The following ANO3 variants were observed in gnomAD, a reference collection of about 807,000 sequenced individuals.
The protein encoded by ANO3 is anoctamin 3.
Under a neutral mutation model 144.8 loss-of-function variants are expected in ANO3, and 99 were observed. The ratio of observed to expected loss-of-function variants is 0.68; its 90% CI spans 0.58 to 0.81. The LOEUF (loss-of-function observed/expected upper bound fraction) is 0.81. Among genes scored for constraint, ANO3 ranks in the 30% least tolerant of loss-of-function variants. The pLI, the probability that ANO3 is intolerant of heterozygous loss-of-function variation, is 0.00. For missense variants in ANO3, 905 were observed against 1,202.2 expected, an observed-to-expected ratio of 0.75 and a Z score of 3.66; for synonymous variants, 414 against 392.6, an observed-to-expected ratio of 1.05 and a Z score of -0.64.
intron 17 of ANO3, among the ~76,000 whole-genome samples, chr11:26,620,004 A>G (rs1360912106): frequency 6.6e-6 from 1 of 152,192 alleles, no homozygotes; most frequent in Non-Finnish European, 1.5e-5. Context: ...TAAAACATCA[A>G]TGTATTATTT....
intron 17 of ANO3, among the ~76,000 whole-genome samples, chr11:26,603,105 G>A (rs1488177459): frequency 6.6e-6 from 1 of 152,034 alleles, no homozygotes; most frequent in Non-Finnish European, 1.5e-5. Context: ...AATTAATCCA[G>A]CATTTAGATA....
At chr11:26,600,937 G>A (rs1355117225) in intron 17 of ANO3, among the ~76,000 whole-genome samples, 1 of 152,032 alleles carries the variant, frequency 6.6e-6, no homozygotes, top group Non-Finnish European at 1.5e-5. Flanking sequence ...AAATATCCAT[G>A]GTTAATGGGA....
chr11:26,256,869 G>GA (rs1356506903), intron 1 of ANO3, among the ~76,000 whole-genome samples: 15 of 151,908 alleles, frequency 9.9e-5, no homozygotes, highest in Admixed American at 9.2e-4. Context: ...GGGAATATTT[G>GA]AAAATATCTG....
chr11:26,369,143 G>A (rs1308767536), intron 1 of ANO3, among the ~76,000 whole-genome samples: 4 of 151,958 alleles, frequency 2.6e-5, no homozygotes, highest in Non-Finnish European at 4.4e-5. Flanking sequence ...AGTCTGTGTG[G>A]GTATGTGTGT....
intron 1 of ANO3, among the ~76,000 whole-genome samples, chr11:26,278,493 G>A (rs186111605): frequency 3.3e-5 from 5 of 152,226 alleles, no homozygotes; most frequent in Admixed American, 6.5e-5. Context: ...GGAGTGCAGA[G>A]TCACATGTAT....
intron 10 of ANO3, among the ~76,000 whole-genome samples, chr11:26,540,091 G>A (rs1849606953): frequency 6.6e-6 from 1 of 151,846 alleles, no homozygotes; most frequent in Non-Finnish European, 1.5e-5. Context: ...GCTCTATAAG[G>A]CATATCATAT....
intron 1 of ANO3, among the ~76,000 whole-genome samples, chr11:26,228,993 C>T (rs1345011599): frequency 2.6e-5 from 4 of 152,182 alleles, no homozygotes; most frequent in African/African-American, 9.7e-5. Flanking sequence ...CATCCTGTGG[C>T]TAAAACTGCC....
intron 14 of ANO3, chr11:26,567,020 A>C: frequency 6.9e-7 from 1 of 1,444,194 alleles, no homozygotes; most frequent in Non-Finnish European, 9.2e-7. Flanking sequence ...TTTGGTTACA[A>C]AGTTTACAGT....
At chr11:26,500,410 A>C (rs1861146031) in intron 4 of ANO3, among the ~76,000 whole-genome samples, 1 of 152,226 alleles carries the variant, frequency 6.6e-6, no homozygotes, top group Admixed American at 6.5e-5. Flanking sequence ...ACTGCTTTGC[A>C]TCCCCATCAG....
chr11:26,220,413 G>C lies in ANO3; in HGVS notation c.154+31083G>C, dbSNP rs567180746. Among the ~76,000 whole-genome samples the C allele has an allele frequency of 2.1e-4, 32 of 152,266 alleles. 1 individual carries two copies. In the South Asian group the frequency reaches 3.1e-3, roughly 15 times the overall value. On this transcript the variant is annotated intron_variant, in intron 1 of 27. Coordinates refer to the ANO3 transcript ENST00000672621. The stretch of plus-strand genomic sequence containing the variant: ...GAAGGATCACTCACGAGGCCTTACT[G>C]TCTCCAGCCTGTGGGCCTGCTTCTA...
rs1405156679 is a variant in ANO3, at chr11:26,349,762, A to G, written c.46+17441A>G. On this transcript the variant is annotated intron_variant, in intron 1 of 26. Transcript: ENST00000256737. ...ACGGGGTTTCACTGTGTTAGCCAGGATGGTCTCGATCTCCTGACCTCGTGA... is the reference window on the plus strand; with the variant it reads ...ACGGGGTTTCACTGTGTTAGCCAGGGTGGTCTCGATCTCCTGACCTCGTGA... Among the ~76,000 whole-genome samples, 6 of 151,844 alleles carry G rather than the reference A, an allele frequency of 4.0e-5. No homozygotes were observed. In the East Asian group the frequency reaches 1.2e-3, roughly 29 times the overall value.
intron 1 of ANO3, among the ~76,000 whole-genome samples, chr11:26,397,104 G>C (rs1423897477): frequency 6.6e-6 from 1 of 151,918 alleles, no homozygotes; most frequent in Non-Finnish European, 1.5e-5. Context: ...GGACATTTAG[G>C]TGCAGCTATT....
At chr11:26,203,372 C>A (rs1851734500) in intron 1 of ANO3, among the ~76,000 whole-genome samples, 2 of 152,048 alleles carry the variant, frequency 1.3e-5, no homozygotes, top group Admixed American at 1.3e-4. Flanking sequence ...ATTAAATTAG[C>A]ATAAGGTAGA....
chr11:26,355,695 G>A (rs1855764217), intron 1 of ANO3, among the ~76,000 whole-genome samples: 2 of 151,500 alleles, frequency 1.3e-5, no homozygotes, highest in African/African-American at 2.4e-5. Flanking sequence ...GAGTAGCTGG[G>A]ATTACAGGCG....
chr11:26,297,068 A>G (rs1345845203), intron 1 of ANO3, among the ~76,000 whole-genome samples: 1 of 152,092 alleles, frequency 6.6e-6, no homozygotes, highest in Non-Finnish European at 1.5e-5. Context: ...CAAAATATTT[A>G]TATAATATAC....
intron 1 of ANO3, among the ~76,000 whole-genome samples, chr11:26,340,640 G>A (rs1855332082): frequency 7.6e-6 from 1 of 131,052 alleles, no homozygotes. Flanking sequence ...ATAACTATGT[G>A]CACATTAGAG....
At chr11:26,501,731 C>G (rs1333864413) in intron 4 of ANO3, among the ~76,000 whole-genome samples, 1 of 152,154 alleles carries the variant, frequency 6.6e-6, no homozygotes, top group Admixed American at 6.5e-5. Context: ...GAACTATGAC[C>G]ATTTCACAAA....
chr11:26,609,255 C>T (rs1438704530), intron 17 of ANO3, among the ~76,000 whole-genome samples: 1 of 152,168 alleles, frequency 6.6e-6, no homozygotes, highest in Admixed American at 6.5e-5. Flanking sequence ...GTGGAGCACA[C>T]CAGCCGCCTA....
At chr11:26,360,808 A>C (rs1328026839) in intron 1 of ANO3, among the ~76,000 whole-genome samples, 2 of 152,208 alleles carry the variant, frequency 1.3e-5, no homozygotes, top group African/African-American at 4.8e-5. Flanking sequence ...TCATGTTTTA[A>C]CTTCATGGAT....
Sources: gnomAD v4.1 joint callset for allele counts (sites outside exome capture counted in the v4.1 genomes callset) on GRCh38, gnomAD v4.1.1 for gene constraint, MANE v1.5 for transcripts, NCBI Gene and HGNC (gene_info 2026-07-23, HGNC 2026-07-21) for gene names.